CCDC125: variants seen among roughly 807,000 people sequenced by gnomAD.
CCDC125 encodes the protein coiled-coil domain-containing protein 125.
A neutral mutation model predicts 57.4 loss-of-function variants in CCDC125; 43 were observed. That is an observed-to-expected ratio of 0.75 (90% CI 0.59 to 0.97). The LOEUF (loss-of-function observed/expected upper bound fraction) is 0.97. Among genes scored for constraint, CCDC125 ranks in the 50% least tolerant of loss-of-function variants. The probability of loss-of-function intolerance (pLI) is 0.00; values close to 1 mark genes in which losing one functional copy is unlikely to be tolerated. For missense variants in CCDC125, 563 were observed against 595.7 expected (o/e 0.95, Z 0.57); for synonymous variants, 187 against 195.2 (o/e 0.96, Z 0.35).
At chr5:69,294,563 G>A (rs780886980) in intron 9 of CCDC125, among the ~76,000 whole-genome samples, 41 of 152,152 alleles carry the variant, frequency 2.7e-4, no homozygotes, top group Non-Finnish European at 2.5e-4. Context: ...AAAGTGCTGG[G>A]ATTACAGGCG....
rs539955405 is a variant in CCDC125 at position 69,327,564 on chromosome 5, G to C, written c.-41+5085C>G. 5.9e-5 allele frequency among the ~76,000 whole-genome samples: 9 copies of C among 152,352 alleles called. No individual in the cohort carries two copies. The South Asian group carries it at 1.9e-3, about 32-fold the overall frequency. On this transcript the variant is annotated intron_variant, in intron 1 of 11. Transcript: ENST00000396496. The stretch of plus-strand genomic sequence containing the variant: ...GATGACCAGGGAAGCAGCAGGATGT[G>C]TTAACGGAGAAGGCACTGACTCGAG...
Position 69,320,036 on chromosome 5 carries a change from G to A in CCDC125, c.304+201C>T, listed in dbSNP as rs1011142980. The stretch of plus-strand genomic sequence containing the variant: ...CTCCAGTGGCTGAGGCAGGAGAATC[G>A]CTTGAACCCGGGGGGTGGAGGTTGC... On this transcript the variant is annotated intron_variant, in intron 2 of 11. Transcript: ENST00000396496. Among the ~76,000 whole-genome samples the A allele has an allele frequency of 1.3e-5, 2 of 152,004 alleles. No individual in the cohort carries two copies. Among genetic ancestry groups the A allele is most frequent in the African/African-American group, 2.4e-5 (1 of 41,404 alleles).
intron 11 of CCDC125, among the ~76,000 whole-genome samples, chr5:69,284,192 T>C (rs1752936372): frequency 6.6e-6 from 1 of 152,008 alleles, no homozygotes; most frequent in African/African-American, 2.4e-5. Context: ...TAGATCTATA[T>C]GAAGTGTGTA....
intron 3 of CCDC125, 28 bp from the exon 4 acceptor site, chr5:69,311,232 C>A: frequency 1.4e-6 from 2 of 1,396,694 alleles, no homozygotes; most frequent in East Asian, 2.3e-5. Context: ...ATTAGTCTTC[C>A]TATCTGCAAG....
intron 6 of CCDC125, among the ~76,000 whole-genome samples, chr5:69,306,074 T>A (rs1757283796): frequency 6.6e-6 from 1 of 152,108 alleles, no homozygotes; most frequent in Non-Finnish European, 1.5e-5. Flanking sequence ...ATTTACCATC[T>A]TAACCATCTT....
intron 10 of CCDC125, among the ~76,000 whole-genome samples, chr5:69,287,748 T>C (rs1012591947): frequency 6.9e-6 from 1 of 144,206 alleles, no homozygotes; most frequent in Admixed American, 6.9e-5. Flanking sequence ...TTTTTTTTTT[T>C]AATAGAGACA....
chr5:69,286,192 A>ATATC (rs1753342653), intron 10 of CCDC125, among the ~76,000 whole-genome samples: 1 of 29,770 alleles, frequency 3.4e-5, no homozygotes, highest in Non-Finnish European at 5.9e-5. Flanking sequence ...GGTAAACTAT[A>ATATC]TATATATATA....
In CCDC125 at chr5:69,320,239, G is replaced by C; in HGVS notation, c.302C>G (p.Thr101Ser). ...GAGAGGAAATTCAGCATTCTTACCA[G>C]TGCTACTTTGTCGTCTGTAATTGGA... ...RISNYRRQSS[T>S]VDSNSELSNE... Residue 101 changes from threonine (T) to serine (S), a missense_variant and splice_region_variant, in exon 2 of 12, where the codon ACT becomes AGT. Thr to Ser is a moderately conservative substitution (Grantham distance 58). Coordinates refer to ENST00000396496, the MANE Select transcript of CCDC125 (RefSeq NM_176816.5). 1 of 1,611,920 alleles carries C rather than the reference G, an allele frequency of 6.2e-7. No homozygotes were observed. The highest frequency in any genetic ancestry group is 2.2e-5 in the East Asian group (1 of 44,864).
chr5:69,305,272 G>A (rs1041051189), intron 6 of CCDC125, among the ~76,000 whole-genome samples: 18 of 151,982 alleles, frequency 1.2e-4, no homozygotes, highest in African/African-American at 4.3e-4. Flanking sequence ...AGAGTACAGT[G>A]GCCCAGTCTC....
intron 8 of CCDC125, among the ~76,000 whole-genome samples, chr5:69,299,331 G>C (rs1307605133): frequency 1.3e-5 from 2 of 151,918 alleles, no homozygotes; most frequent in South Asian, 2.1e-4. Context: ...GGATGGTCTC[G>C]ATCTCCTGAC....
At position 69,320,367 on chromosome 5, in the gene CCDC125, G is replaced by A; in HGVS notation, c.174C>T (p.Ser58=). 1 of 1,614,004 alleles carries A rather than the reference G, an allele frequency of 6.2e-7. No homozygotes were observed. The highest frequency in any genetic ancestry group is 8.5e-7 in the Non-Finnish European group (1 of 1,179,950). ...SRKRSDGKNF[S]PPPFPRKGEE... ...CTCCCTTTCTCGGAAATGGAGGAGG[G>A]CTAAAGTTCTTTCCATCTGATCTTT... The change falls in exon 2 of 12, where the codon AGC becomes AGT. Residue 58 remains serine, a synonymous_variant. Coordinates refer to ENST00000396496, the MANE Select transcript of CCDC125 (RefSeq NM_176816.5).
intron 9 of CCDC125, chr5:69,294,085 G>C (rs1043189886): frequency 8.5e-6 from 8 of 936,568 alleles, no homozygotes; most frequent in Non-Finnish European, 1.0e-5. Context: ...CTGGGACAAA[G>C]GTTCCTTTCA....
intron 7 of CCDC125, among the ~76,000 whole-genome samples, chr5:69,303,251 T>C (rs1756785343): frequency 6.6e-6 from 1 of 152,138 alleles, no homozygotes; most frequent in Non-Finnish European, 1.5e-5. Flanking sequence ...GGTTTTGCTA[T>C]GTTGCCCAGG....
At position 69,320,193 on chromosome 5, in the gene CCDC125, C is replaced by G. The variant is rs770100613; in HGVS notation, c.304+44G>C. On this transcript the variant is annotated intron_variant, in intron 2 of 11. Coordinates refer to ENST00000396496, the MANE Select transcript of CCDC125 (RefSeq NM_176816.5). Reference sequence around the variant, plus strand: ...TTTTGGAAGGGTTATAGCTTTGATACTATGCACAGGAGAAAGAAAGGAGAG... The same window carrying G: ...TTTTGGAAGGGTTATAGCTTTGATAGTATGCACAGGAGAAAGAAAGGAGAG... 5.4e-6 allele frequency: 8 copies of G among 1,487,414 alleles called. No individual in the cohort carries two copies. The Admixed American group carries it at 1.4e-4, about 27-fold the overall frequency. 92.1% of individuals were successfully genotyped at this position (1,487,414 alleles called of 1,614,324 possible). A position where few individuals can be genotyped will look rare whatever the true frequency, so the allele number is the denominator to read the frequency against.
At chr5:69,275,832 C>T (rs1346514249), downstream of CCDC125, among the ~76,000 whole-genome samples, 1 of 152,050 alleles carries the variant, frequency 6.6e-6, no homozygotes, top group Non-Finnish European at 1.5e-5. Flanking sequence ...TGTAAAATTA[C>T]CTTCAGTTTA....
chr5:69,285,243 T>C, intron 11 of CCDC125, 94 bp downstream of exon 11: 11 of 1,255,544 alleles, frequency 8.8e-6, no homozygotes, highest in Non-Finnish European at 1.2e-5. Flanking sequence ...TTGGGCCACA[T>C]TCAAAGCTGT....
At chr5:69,293,136 G>A (rs953448389) in intron 9 of CCDC125, among the ~76,000 whole-genome samples, 12 of 146,906 alleles carry the variant, frequency 8.2e-5, no homozygotes, top group African/African-American at 2.3e-4. Context: ...CACTGCGCCC[G>A]GTCTTTCTTT....
chr5:69,327,225 G>A (rs1185235528), intron 1 of CCDC125, among the ~76,000 whole-genome samples: 1 of 151,624 alleles, frequency 6.6e-6, no homozygotes, highest in African/African-American at 2.4e-5. Flanking sequence ...CTCCTGAGCG[G>A]TTGGGACTAC....
Position 69,282,485 on chromosome 5 carries a change from C to G in CCDC125, c.*244G>C. On this transcript the variant is annotated 3_prime_UTR_variant, in exon 12 of 12. Transcript: ENST00000396496. ...GCTGAGGCAGGAGAATTGCTTGAACCGGGAGGCGGAGGTTGCAGTGAACCG... is the reference window on the plus strand; with the variant it reads ...GCTGAGGCAGGAGAATTGCTTGAACGGGGAGGCGGAGGTTGCAGTGAACCG... The G allele has an allele frequency of 2.9e-6, 1 of 345,708 alleles. No homozygotes were observed. The highest frequency in any genetic ancestry group is 5.2e-6 in the Non-Finnish European group (1 of 193,868). The allele number at this position is 345,708 out of a possible 1,614,324, so 21.4% of individuals were successfully genotyped here. A position where few individuals can be genotyped will look rare whatever the true frequency, so the allele number is the denominator to read the frequency against.
Sources: allele counts gnomAD v4.1 joint callset (sites outside exome capture counted in the v4.1 genomes callset), GRCh38; gene constraint gnomAD v4.1.1; transcripts MANE v1.5; gene names NCBI Gene and HGNC (gene_info 2026-07-23, HGNC 2026-07-21).